The following QPCTL variants were observed in gnomAD, a reference collection of about 807,000 sequenced individuals.
QPCTL encodes the protein glutaminyl-peptide cyclotransferase like.
Under a neutral mutation model 34.6 loss-of-function variants are expected in QPCTL, and 31 were observed. The ratio of observed to expected loss-of-function variants is 0.90; its 90% CI spans 0.67 to 1.21. The LOEUF (loss-of-function observed/expected upper bound fraction) is 1.21, where lower values mean the gene tolerates loss of function less well. Among genes scored for constraint, QPCTL ranks in the 50% most tolerant of loss-of-function variants. QPCTL has a pLI of 0.00. For missense variants in QPCTL, 474 were observed against 507.8 expected, an observed-to-expected ratio of 0.93 and a Z score of 0.64; for synonymous variants, 223 against 226.9, an observed-to-expected ratio of 0.98 and a Z score of 0.15.
At chr19:45,698,995 T>A in intron 5 of QPCTL, 95 bp downstream of exon 5, 5 of 985,374 alleles carry the variant, frequency 5.1e-6, no homozygotes, top group African/African-American at 1.7e-5. Flanking sequence ...CTCTAAAGGC[T>A]CATCCACCAG....
intron 2 of QPCTL, among the ~76,000 whole-genome samples, chr19:45,695,189 G>T (rs1485984044): frequency 6.6e-6 from 1 of 152,030 alleles, no homozygotes; most frequent in Non-Finnish European, 1.5e-5. Context: ...AGGAGGCTGA[G>T]TCAGGAGAAT....
At position 45,692,728 on chromosome 19, in the gene QPCTL, C is replaced by T. The variant is rs2146121178; in HGVS notation, c.25C>T (p.Pro9Ser). MRSGGRGRPRLRLGERGLM... is the reference protein window; with the variant it reads MRSGGRGRSRLRLGERGLM... ...CATGCGTTCCGGGGGCCGCGGGCGACCCCGCCTGCGGCTGGGGGAACGTGG... is the reference window on the plus strand; with the variant it reads ...CATGCGTTCCGGGGGCCGCGGGCGATCCCGCCTGCGGCTGGGGGAACGTGG... The change falls in exon 1 of 7, where the codon CCC (proline) becomes TCC (serine). Residue 9 changes from proline (P) to serine (S), a missense_variant. Coordinates refer to ENST00000012049, the MANE Select transcript of QPCTL (RefSeq NM_017659.4). 3 of 1,556,800 alleles carry T rather than the reference C, an allele frequency of 1.9e-6. No individual in the cohort carries two copies. Among genetic ancestry groups the T allele is most frequent in the African/African-American group, 1.4e-5 (1 of 72,326 alleles).
chr19:45,703,139 G>T lies in QPCTL; in HGVS notation c.*90G>T. On this transcript the variant is annotated 3_prime_UTR_variant, in exon 7 of 7. Coordinates refer to ENST00000012049, the MANE Select transcript of QPCTL (RefSeq NM_017659.4). ...CTCAGGCAGGATCTGCCTAGGGTGT[G>T]CTGGTTTGTCCTTTTCATACCTTTG... is the stretch of plus-strand genomic sequence containing the variant. 1 of 1,509,116 alleles carries T rather than the reference G, an allele frequency of 6.6e-7. No homozygotes were observed. Among genetic ancestry groups the T allele is most frequent in the Non-Finnish European group, 9.1e-7 (1 of 1,099,226 alleles). 93.5% of individuals were successfully genotyped at this position (1,509,116 alleles called of 1,614,324 possible).
intron 1 of QPCTL, 73 bp from the exon 2 acceptor site, chr19:45,693,340 C>G: frequency 6.6e-7 from 1 of 1,507,934 alleles, no homozygotes; most frequent in Admixed American, 2.1e-5. Context: ...TCGCGGGTGA[C>G]GGCGCCCGGG....
chr19:45,701,810 A>G lies in QPCTL; in HGVS notation c.899A>G (p.His300Arg), dbSNP rs750422198. Residue 300 changes from histidine to arginine, a missense_variant, in exon 6 of 7, where the codon CAC becomes CGC. By Grantham distance (29) the His-to-Arg change is conservative. Transcript: ENST00000012049. ...HRLRSIEKRL[H>R]RLNLLQSHPQ... is the part of the protein sequence containing the mutation. Reference sequence around the variant, plus strand: ...CCCCCACTTCCAGAGAAGCGTCTGCACCGTTTGAACCTGCTGCAGTCTCAT... The same window carrying G: ...CCCCCACTTCCAGAGAAGCGTCTGCGCCGTTTGAACCTGCTGCAGTCTCAT... The G allele has an allele frequency of 6.9e-5, 111 of 1,613,534 alleles. No homozygotes were observed. The highest frequency in any genetic ancestry group is 4.9e-4 in the Middle Eastern group (3 of 6,082).
chr19:45,701,277 C>A (rs1173964809), intron 5 of QPCTL, among the ~76,000 whole-genome samples: 2 of 141,422 alleles, frequency 1.4e-5, no homozygotes, highest in African/African-American at 5.2e-5. Context: ...AGAGCAAGAT[C>A]TTTTTTTTTT....
intron 5 of QPCTL, among the ~76,000 whole-genome samples, chr19:45,701,278 T>TG (rs1491272999): frequency 8.2e-6 from 1 of 122,118 alleles, no homozygotes; most frequent in East Asian, 2.0e-4. Context: ...GAGCAAGATC[T>TG]TTTTTTTTTT....
chr19:45,696,274 G>C (rs548086947), intron 3 of QPCTL, among the ~76,000 whole-genome samples: 1 of 152,022 alleles, frequency 6.6e-6, no homozygotes, highest in Non-Finnish European at 1.5e-5. Flanking sequence ...CAGGGCATCT[G>C]CACTTGCTGT....
At chr19:45,701,696 C>A in intron 5 of QPCTL, 102 bp from the exon 6 acceptor site, 1 of 849,398 alleles carries the variant, frequency 1.2e-6, no homozygotes, top group Non-Finnish European at 1.9e-6. Context: ...TTGGGCTGAC[C>A]AGGGCTTTGT....
intron 3 of QPCTL, among the ~76,000 whole-genome samples, chr19:45,698,319 C>A (rs533434913): frequency 6.6e-6 from 1 of 152,082 alleles, no homozygotes; most frequent in Non-Finnish European, 1.5e-5. Flanking sequence ...AGAAACTGAT[C>A]CTTCCAGAAG....
chr19:45,699,787 C>T (rs982405235), intron 5 of QPCTL, among the ~76,000 whole-genome samples: 1 of 151,934 alleles, frequency 6.6e-6, no homozygotes, highest in Non-Finnish European at 1.5e-5. Context: ...AAAAAGTTAG[C>T]TGGGCGTGGT....
At chr19:45,693,030 G>A in intron 1 of QPCTL, 120 bp downstream of exon 1, 1 of 1,071,990 alleles carries the variant, frequency 9.3e-7, no homozygotes, top group Non-Finnish European at 1.3e-6. Context: ...TTCGTCATCT[G>A]AGCGCATGAC....
At chr19:45,700,774 T>G (rs556781559) in intron 5 of QPCTL, among the ~76,000 whole-genome samples, 2 of 151,670 alleles carry the variant, frequency 1.3e-5, no homozygotes, top group African/African-American at 4.8e-5. Context: ...GCTTGGCCAA[T>G]ATGGTGAAAC....
chr19:45,694,520 G>A (rs1040887172), intron 2 of QPCTL, among the ~76,000 whole-genome samples: 1 of 151,598 alleles, frequency 6.6e-6, no homozygotes, highest in African/African-American at 2.4e-5. Flanking sequence ...GCCTGGGTTG[G>A]AGTGCAGTGG....
intron 3 of QPCTL, 123 bp from the exon 4 acceptor site, chr19:45,698,424 G>A (rs1283334618): frequency 9.9e-6 from 12 of 1,208,582 alleles, no homozygotes; most frequent in Admixed American, 2.6e-5. Context: ...TGGCTACCAC[G>A]TTCTATGAGT....
At chr19:45,700,696 C>T (rs1967791797) in intron 5 of QPCTL, among the ~76,000 whole-genome samples, 1 of 152,038 alleles carries the variant, frequency 6.6e-6, no homozygotes, top group African/African-American at 2.4e-5. Context: ...CCTGGTGGCT[C>T]ATGCCTGTAA....
Position 45,696,834 on chromosome 19 carries a change from C to T in QPCTL, c.633+1116C>T, listed in dbSNP as rs917214255. 2.6e-5 allele frequency among the ~76,000 whole-genome samples: 4 copies of T among 152,018 alleles called. No homozygotes were observed. In the South Asian group the frequency reaches 6.2e-4, roughly 24 times the overall value. On this transcript the variant is annotated intron_variant, in intron 3 of 6. Transcript: ENST00000012049. ...CTCCAATGTCACCCCTTCAAAGAGG[C>T]CTTCCCGGCCGGGCGTGGTAACTCG...
chr19:45,693,562 G>C lies in QPCTL; in HGVS notation c.351+6G>C, dbSNP rs751925599. On this transcript the variant is annotated splice_donor_region_variant and intron_variant, in intron 2 of 6. Transcript: ENST00000012049. ...GAAATCTCCAAGTCAGAAAGGTAAA[G>C]GGACCCACCTCCAGTCCCTGACCCC... The C allele has an allele frequency of 6.2e-7, 1 of 1,607,246 alleles. No homozygotes were observed. The highest frequency in any genetic ancestry group is 2.3e-5 in the East Asian group (1 of 44,406).
intron 6 of QPCTL, among the ~76,000 whole-genome samples, 174 bp from the exon 7 acceptor site, chr19:45,702,730 C>T (rs1475174310): frequency 6.6e-6 from 1 of 151,222 alleles, no homozygotes; most frequent in Admixed American, 6.6e-5. Context: ...CGCCACTGCA[C>T]TCCAGCCTGG....
Sources: allele counts gnomAD v4.1 joint callset (sites outside exome capture counted in the v4.1 genomes callset), GRCh38; gene constraint gnomAD v4.1.1; transcripts MANE v1.5; gene names NCBI Gene and HGNC (gene_info 2026-07-23, HGNC 2026-07-21).